NUP98: variants seen among roughly 807,000 people sequenced by gnomAD.
NUP98 encodes the protein nucleoporin 98 and 96 precursor, also known as nuclear pore complex protein Nup98-Nup96.
Under a neutral mutation model 191.9 loss-of-function variants are expected in NUP98, and 26 were observed. The observed-to-expected ratio is 0.14, with a 90% CI of 0.10 to 0.19. The LOEUF (loss-of-function observed/expected upper bound fraction) is 0.19, where lower values mean the gene tolerates loss of function less well. Among genes scored for constraint, NUP98 ranks in the 10% least tolerant of loss-of-function variants. The probability of loss-of-function intolerance (pLI) is 1.00; values close to 1 mark genes in which losing one functional copy is unlikely to be tolerated. For synonymous variants in NUP98, 808 were observed against 778.4 expected (o/e 1.04, Z -0.63); for missense variants, 1,941 against 2,178.8 (o/e 0.89, Z 2.17).
At chr11:3,737,072 C>G (rs1475134217) in intron 12 of NUP98, among the ~76,000 whole-genome samples, 2 of 152,082 alleles carry the variant, frequency 1.3e-5, no homozygotes, top group Non-Finnish European at 2.9e-5. Flanking sequence ...AAAACCACTA[C>G]AGTATACCCT....
chr11:3,688,843 T>TATATATATATATATA (rs2078216309), intron 28 of NUP98, among the ~76,000 whole-genome samples: 1 of 109,786 alleles, frequency 9.1e-6, no homozygotes. Context: ...ATATATATAT[T>TATATATATATATATA]TATAAGAAAT....
At chr11:3,679,830 A>G in intron 30 of NUP98, 122 bp from the exon 31 acceptor site, 1 of 854,380 alleles carries the variant, frequency 1.2e-6, no homozygotes, top group Non-Finnish European at 1.8e-6. Flanking sequence ...CAGAAGTAAA[A>G]GCACATACAG....
intron 25 of NUP98, among the ~76,000 whole-genome samples, chr11:3,695,909 C>T (rs767935029): frequency 1.4e-4 from 22 of 152,140 alleles, no homozygotes; most frequent in Non-Finnish European, 2.9e-4. Flanking sequence ...TGGAGGAAAA[C>T]AGCCCGGCAT....
chr11:3,772,963 T>C lies in NUP98; in HGVS notation c.603+669A>G, dbSNP rs555689319. On this transcript the variant is annotated intron_variant, in intron 6 of 32. Transcript: ENST00000324932. ...CTGCACACCAGACTGGGTGACGGAG[T>C]GAGATGCTGTCTCAAAAACAAACAA... Among the ~76,000 whole-genome samples, 28 of 151,702 alleles carry C rather than the reference T, an allele frequency of 1.8e-4. No homozygotes were observed. The East Asian group carries it at 5.4e-3, about 29-fold the overall frequency.
intron 10 of NUP98, among the ~76,000 whole-genome samples, chr11:3,758,967 T>C (rs1327304745): frequency 6.6e-6 from 1 of 152,214 alleles, no homozygotes; most frequent in African/African-American, 2.4e-5. Flanking sequence ...AACACATCAA[T>C]TTAGGAATTG....
chr11:3,792,777 C>T (rs977953704), intron 1 of NUP98, among the ~76,000 whole-genome samples: 3 of 152,134 alleles, frequency 2.0e-5, no homozygotes, highest in Non-Finnish European at 4.4e-5. Context: ...CAACAGAATA[C>T]AAAAGTTCAA....
chr11:3,700,778 C>G lies in NUP98; in HGVS notation c.3574G>C (p.Asp1192His). Residue 1192 changes from aspartate to histidine, a missense_variant, in exon 24 of 33, where the codon GAT becomes CAT. Asp to His is a moderately conservative substitution (Grantham distance 81). Coordinates refer to ENST00000324932, the MANE Select transcript of NUP98 (RefSeq NM_016320.5). ...GTCTGATATAATTTCATGTCTTCAT[C>G]TGGCTTTCTTTGTCTCAAACTGAGT... ...EKLSLRQRKP[D>H]EDMKLYQTPL... The G allele has an allele frequency of 6.2e-7, 1 of 1,614,130 alleles. No individual in the cohort carries two copies. Among genetic ancestry groups the G allele is most frequent in the Non-Finnish European group, 8.5e-7 (1 of 1,180,002 alleles).
chr11:3,720,931 A>C (rs1304159356), intron 16 of NUP98, 106 bp from the exon 17 acceptor site: 4 of 598,744 alleles, frequency 6.7e-6, no homozygotes, highest in African/African-American at 1.9e-5. Flanking sequence ...AATTTTCCAA[A>C]CTACTTTTCT....
rs373181563 is a variant in NUP98, at chr11:3,752,288, G to T, written c.1267+1028C>A. On this transcript the variant is annotated intron_variant, in intron 11 of 32. Transcript: ENST00000324932. ...ATCCCAGCACTTTGGAGGCCAAGGA[G>T]GGAGGATCACCTGAGGTCAGGAGTT... is the stretch of plus-strand genomic sequence containing the variant. 2.6e-5 allele frequency among the ~76,000 whole-genome samples: 4 copies of T among 152,128 alleles called. No homozygotes were observed. In the East Asian group the frequency reaches 5.8e-4, roughly 22 times the overall value.
intron 1 of NUP98, among the ~76,000 whole-genome samples, chr11:3,787,908 C>G (rs2133972912): frequency 6.6e-6 from 1 of 152,248 alleles, no homozygotes; most frequent in South Asian, 2.1e-4. Context: ...AGGAGAATCA[C>G]TTGAATCCAG....
chr11:3,796,261 G>A (rs949449250), intron 1 of NUP98, among the ~76,000 whole-genome samples: 8 of 152,040 alleles, frequency 5.3e-5, no homozygotes, highest in African/African-American at 1.9e-4. Flanking sequence ...CATGAGTTCC[G>A]AGGTACAACT....
chr11:3,762,430 A>G (rs1349228286), intron 9 of NUP98, among the ~76,000 whole-genome samples: 2 of 151,744 alleles, frequency 1.3e-5, no homozygotes, highest in Non-Finnish European at 2.9e-5. Context: ...CTCTTTTTTA[A>G]TTTTTTTAAC....
intron 1 of NUP98, among the ~76,000 whole-genome samples, chr11:3,796,066 A>G (rs1344200683): frequency 6.6e-6 from 1 of 152,196 alleles, no homozygotes; most frequent in Admixed American, 6.5e-5. Flanking sequence ...TTCCTCCACC[A>G]GGTAAACATA....
At chr11:3,709,503 G>A (rs1391567127) in intron 20 of NUP98, among the ~76,000 whole-genome samples, 1 of 151,894 alleles carries the variant, frequency 6.6e-6, no homozygotes, top group Non-Finnish European at 1.5e-5. Flanking sequence ...AAGAATCTGA[G>A]ACCAGCCTGG....
intron 14 of NUP98, among the ~76,000 whole-genome samples, chr11:3,725,673 A>G (rs1483742409): frequency 6.6e-6 from 1 of 152,250 alleles, no homozygotes; most frequent in African/African-American, 2.4e-5. Flanking sequence ...TGCTGACTAA[A>G]AAGTTTTTTC....
chr11:3,727,373 AG>A (rs927756870), intron 14 of NUP98, among the ~76,000 whole-genome samples: 3 of 152,154 alleles, frequency 2.0e-5, no homozygotes, highest in Admixed American at 2.0e-4. Flanking sequence ...CACAGAGGGC[AG>A]AACTCCTGAA....
intron 28 of NUP98, 77 bp downstream of exon 28, chr11:3,691,270 A>C (rs1589966319): frequency 1.3e-6 from 2 of 1,525,962 alleles, no homozygotes; most frequent in East Asian, 4.5e-5. Flanking sequence ...GACATATAAA[A>C]GGGAAAGGAC....
intron 27 of NUP98, 125 bp from the exon 28 acceptor site, chr11:3,691,614 G>A (rs1329549852): frequency 2.3e-6 from 2 of 878,084 alleles, no homozygotes. Flanking sequence ...AGTGCAGTGG[G>A]ACAATCTCGG....
At chr11:3,695,773 C>T (rs2078483263) in intron 25 of NUP98, among the ~76,000 whole-genome samples, 167 bp from the exon 26 acceptor site, 2 of 152,258 alleles carry the variant, frequency 1.3e-5, no homozygotes, top group South Asian at 2.1e-4. Flanking sequence ...TTACCATTTT[C>T]TGCTTGGATA....
Sources: gnomAD v4.1 joint callset for allele counts (sites outside exome capture counted in the v4.1 genomes callset) on GRCh38, gnomAD v4.1.1 for gene constraint, MANE v1.5 for transcripts, NCBI Gene and HGNC (gene_info 2026-07-23, HGNC 2026-07-21) for gene names.